GTF2H4: variants seen among roughly 807,000 people sequenced by gnomAD.
The protein encoded by GTF2H4 is BTF2 p52.
A neutral mutation model predicts 62.2 loss-of-function variants in GTF2H4; 49 were observed. The observed-to-expected ratio is 0.79, with a 90% CI of 0.63 to 1.00. The LOEUF is 1.00. Among genes scored for constraint, GTF2H4 ranks in the 50% least tolerant of loss-of-function variants. The pLI, the probability that GTF2H4 is intolerant of heterozygous loss-of-function variation, is 0.00. For synonymous variants in GTF2H4, 189 were observed against 233.8 expected, an observed-to-expected ratio of 0.81 and a Z score of 1.75; for missense variants, 479 against 587.8, an observed-to-expected ratio of 0.81 and a Z score of 1.91.
At chr6:30,908,486 G>C in intron 1 of GTF2H4, 83 bp downstream of exon 1, 1 of 174,562 alleles carries the variant, frequency 5.7e-6, no homozygotes, top group Non-Finnish European at 1.3e-5. Context: ...GAGGAAGGCA[G>C]GGAGAAGCTA....
Position 30,913,987 on chromosome 6 carries a change from C to A in GTF2H4, c.*4C>A. Reference sequence around the variant, plus strand: ...GCGGCAGAAACATAGCTCCTGAGAGCGCGGGACTTGGACACGGACCTCGGC... The same window carrying A: ...GCGGCAGAAACATAGCTCCTGAGAGAGCGGGACTTGGACACGGACCTCGGC... On this transcript the variant is annotated 3_prime_UTR_variant, in exon 14 of 14. Coordinates refer to ENST00000259895, the MANE Select transcript of GTF2H4 (RefSeq NM_001517.5). This position sits in a 1 kb window ranked among gnomAD's most constrained non-coding sequence, Gnocchi z 4.2. 1 of 1,560,254 alleles carries A rather than the reference C, an allele frequency of 6.4e-7. No homozygotes were observed. Among genetic ancestry groups the A allele is most frequent in the Non-Finnish European group, 8.7e-7 (1 of 1,147,648 alleles).
chr6:30,912,025 G>C lies in GTF2H4; in HGVS notation c.837G>C (p.Arg279=). The C allele has an allele frequency of 3.1e-6, 5 of 1,612,874 alleles. No homozygotes were observed. The highest frequency in any genetic ancestry group is 4.2e-6 in the Non-Finnish European group (5 of 1,179,978). The change falls in exon 10 of 14, where the codon CGG becomes CGC. Residue 279 remains arginine, a synonymous_variant. Transcript: ENST00000259895. The surrounding 1 kb of genome is among the most constrained non-coding windows in gnomAD (Gnocchi z 4.8). The part of the protein sequence containing the change: ...GLVFQRKRKS[R]RYYPTRLAIN... ...TCTATTCTTTTCAGAGGAAATCTCG[G>C]CGTTACTACCCCACACGCCTGGCCA...
In GTF2H4 at chr6:30,913,407, C is replaced by T; in HGVS notation, c.1216+20C>T. ...CTGAGGGTGAGTAGCTTCTGGTGGC[C>T]AAGTCTTGGTCATTGGCCAGAGAAA... On this transcript the variant is annotated intron_variant, in intron 13 of 13. Coordinates refer to ENST00000259895, the MANE Select transcript of GTF2H4 (RefSeq NM_001517.5). This position sits in a 1 kb window ranked among gnomAD's most constrained non-coding sequence, Gnocchi z 4.2. The T allele has an allele frequency of 6.2e-7, 1 of 1,611,132 alleles. No homozygotes were observed. Among genetic ancestry groups the T allele is most frequent in the South Asian group, 1.1e-5 (1 of 90,800 alleles).
chr6:30,910,576 C>G lies in GTF2H4; in HGVS notation c.375-89C>G. ...GAACTCCTGACCTCAAGTGATCCGC[C>G]CATCTCGGCCTCCCAAAGTACAGGG... On this transcript the variant is annotated intron_variant, in intron 4 of 13. Transcript: ENST00000259895. This position sits in a 1 kb window ranked among gnomAD's most constrained non-coding sequence, Gnocchi z 4.7. 1 of 904,570 alleles carries G rather than the reference C, an allele frequency of 1.1e-6. No individual in the cohort carries two copies. The highest frequency in any genetic ancestry group is 1.8e-6 in the Non-Finnish European group (1 of 547,056). 56.0% of individuals were successfully genotyped at this position (904,570 alleles called of 1,614,324 possible).
In GTF2H4 at chr6:30,911,896, C is replaced by G. The variant is rs556452193; in HGVS notation, c.826-118C>G. The G allele has an allele frequency of 7.0e-7, 1 of 1,437,590 alleles. No homozygotes were observed. Among genetic ancestry groups the G allele is most frequent in the Admixed American group, 1.8e-5 (1 of 56,520 alleles). 89.1% of individuals were successfully genotyped at this position (1,437,590 alleles called of 1,614,324 possible). The stretch of plus-strand genomic sequence containing the variant: ...GCCAGAACTGAATACTTGGGTCTCT[C>G]GGGGGAGAGAAGTTGGGGGTTGAGG... On this transcript the variant is annotated intron_variant, in intron 9 of 13. Transcript: ENST00000259895. This position sits in a 1 kb window ranked among gnomAD's most constrained non-coding sequence, Gnocchi z 4.3.
intron 1 of GTF2H4, among the ~76,000 whole-genome samples, chr6:30,908,731 CA>C (rs1793640102): frequency 6.6e-6 from 1 of 152,006 alleles, no homozygotes; most frequent in Non-Finnish European, 1.5e-5. Flanking sequence ...CCTGTTTAGC[CA>C]AAGATGAGAC....
Position 30,909,577 on chromosome 6 carries a change from A to T in GTF2H4, c.242+38A>T. ...CAGATACAAATTTCTCAACAGCTAC[A>T]TTTCCCAAACTGCTGTTCCTTGGAG... On this transcript the variant is annotated intron_variant, in intron 3 of 13. Coordinates refer to ENST00000259895, the MANE Select transcript of GTF2H4 (RefSeq NM_001517.5). The surrounding 1 kb of genome is among the most constrained non-coding windows in gnomAD (Gnocchi z 4.3). The T allele has an allele frequency of 7.8e-7, 1 of 1,274,886 alleles. No individual in the cohort carries two copies. Among genetic ancestry groups the T allele is most frequent in the East Asian group, 2.3e-5 (1 of 43,200 alleles). The allele number at this position is 1,274,886 out of a possible 1,614,324, so 79.0% of individuals were successfully genotyped here.
In GTF2H4 at chr6:30,912,484, C is replaced by T; in HGVS notation, c.1089+26C>T. On this transcript the variant is annotated intron_variant, in intron 11 of 13. Transcript: ENST00000259895. The surrounding 1 kb of genome is among the most constrained non-coding windows in gnomAD (Gnocchi z 4.8). ...GTATTCCCACTTGGGAGAGGTGGAG[C>T]AGGAAGACAGGCTGCACTTGGGCTG... 1 of 1,610,720 alleles carries T rather than the reference C, an allele frequency of 6.2e-7. No individual in the cohort carries two copies.
rs1793787172 is a variant in GTF2H4, at chr6:30,912,112, C to T, written c.924C>T (p.Val308=). ...CTGTGCATCAGCCAGGTTTCATTGT[C>T]GTGGAAACCAATTACCGACTGTATG... ...GGTVHQPGFI[V]VETNYRLYAY... is the part of the protein sequence containing the mutation. Residue 308 remains valine (V), a synonymous_variant, in exon 10 of 14, where the codon GTC becomes GTT. Transcript: ENST00000259895. This position sits in a 1 kb window ranked among gnomAD's most constrained non-coding sequence, Gnocchi z 4.8. 1.9e-6 allele frequency: 3 copies of T among 1,612,688 alleles called. No homozygotes were observed. The highest frequency in any genetic ancestry group is 1.3e-5 in the African/African-American group (1 of 74,832).
In GTF2H4 at chr6:30,913,050, T is replaced by G. The variant is rs1793861755; in HGVS notation, c.1090-60T>G. Reference sequence around the variant, plus strand: ...TGTTCCAGTGACATTAGGTGACAGCTCAGATGGCTTTCCTGCCTTCTTGCT... The same window carrying G: ...TGTTCCAGTGACATTAGGTGACAGCGCAGATGGCTTTCCTGCCTTCTTGCT... On this transcript the variant is annotated intron_variant, in intron 11 of 13. Coordinates refer to ENST00000259895, the MANE Select transcript of GTF2H4 (RefSeq NM_001517.5). The surrounding 1 kb of genome is among the most constrained non-coding windows in gnomAD (Gnocchi z 4.2). 2.1e-5 allele frequency: 32 copies of G among 1,549,734 alleles called. No homozygotes were observed. The highest frequency in any genetic ancestry group is 2.8e-5 in the Non-Finnish European group (32 of 1,123,202).
At position 30,910,026 on chromosome 6, in the gene GTF2H4, A is replaced by T; in HGVS notation, c.337A>T (p.Ile113Phe). The T allele has an allele frequency of 6.2e-7, 1 of 1,612,250 alleles. No homozygotes were observed. The highest frequency in any genetic ancestry group is 1.3e-5 in the African/African-American group (1 of 74,742). Residue 113 changes from isoleucine to phenylalanine, a missense_variant, in exon 4 of 14, where the codon ATT becomes TTT. Physicochemically the swap from Ile to Phe is conservative, Grantham distance 21 (BLOSUM62 0). Coordinates refer to ENST00000259895, the MANE Select transcript of GTF2H4 (RefSeq NM_001517.5). This position sits in a 1 kb window ranked among gnomAD's most constrained non-coding sequence, Gnocchi z 4.7. The stretch of plus-strand genomic sequence containing the variant: ...GCTCCAGGGCCTCATCCTCAACCCC[A>T]TTTTCCGCCAGAACCTCCGCATTGC... ...GGLQGLILNP[I>F]FRQNLRIALL...
chr6:30,909,278 G>A lies in GTF2H4; in HGVS notation c.137+105G>A. Reference sequence around the variant, plus strand: ...CCTGGAGTCGGGGTGGGGACTGGGGGCAAGGGTTGGAAATTGCTCTAAAGT... The same window carrying A: ...CCTGGAGTCGGGGTGGGGACTGGGGACAAGGGTTGGAAATTGCTCTAAAGT... On this transcript the variant is annotated intron_variant, in intron 2 of 13. Coordinates refer to ENST00000259895, the MANE Select transcript of GTF2H4 (RefSeq NM_001517.5). The surrounding 1 kb of genome is among the most constrained non-coding windows in gnomAD (Gnocchi z 4.3). 7.2e-7 allele frequency: 1 copy of A among 1,396,306 alleles called. No homozygotes were observed. Among genetic ancestry groups the A allele is most frequent in the Non-Finnish European group, 9.7e-7 (1 of 1,031,444 alleles). 86.5% of individuals were successfully genotyped at this position (1,396,306 alleles called of 1,614,324 possible).
chr6:30,910,166 A>C lies in GTF2H4; in HGVS notation c.374+103A>C. 1 of 1,289,352 alleles carries C rather than the reference A, an allele frequency of 7.8e-7. No individual in the cohort carries two copies. The highest frequency in any genetic ancestry group is 1.5e-5 in the African/African-American group (1 of 67,668). 79.9% of individuals were successfully genotyped at this position (1,289,352 alleles called of 1,614,324 possible). ...GGGAGCTCCTGGGGGCCTCCCCAGAACCTTGTGGTCTCCACGTTGGGAACT... is the reference window on the plus strand; with the variant it reads ...GGGAGCTCCTGGGGGCCTCCCCAGACCCTTGTGGTCTCCACGTTGGGAACT... On this transcript the variant is annotated intron_variant, in intron 4 of 13. Transcript: ENST00000259895. The surrounding 1 kb of genome is among the most constrained non-coding windows in gnomAD (Gnocchi z 4.7).
rs1208597110 is a variant in GTF2H4, at chr6:30,911,751, T to A, written c.809T>A (p.Leu270His). 1.2e-6 allele frequency: 2 copies of A among 1,612,760 alleles called. No homozygotes were observed. The highest frequency in any genetic ancestry group is 3.3e-5 in the Admixed American group (2 of 60,010). ...NFLQHLREFG[L>H]VFQRKRKSRR... is the part of the protein sequence containing the mutation. ...CTGCAACATCTGCGTGAGTTTGGGC[T>A]TGTTTTCCAGAGGAAGGTATGAGCG... The change falls in exon 9 of 14, where the codon CTT becomes CAT. Residue 270 changes from leucine to histidine, a missense_variant. Leu to His is a moderately conservative substitution (Grantham distance 99). Coordinates refer to ENST00000259895, the MANE Select transcript of GTF2H4 (RefSeq NM_001517.5). The surrounding 1 kb of genome is among the most constrained non-coding windows in gnomAD (Gnocchi z 4.3).
In GTF2H4 at chr6:30,912,657, A is replaced by C. The variant is rs1793832742; in HGVS notation, c.1089+199A>C. 6.6e-6 allele frequency among the ~76,000 whole-genome samples: 1 copy of C among 152,056 alleles called. No individual in the cohort carries two copies. The highest frequency in any genetic ancestry group is 1.5e-5 in the Non-Finnish European group (1 of 67,994). ...GGAAAAAAACATGGAGGGAGGAGGT[A>C]TAGATCTGGATTTGTGCCTCGGCAC... is the stretch of plus-strand genomic sequence containing the variant. On this transcript the variant is annotated intron_variant, in intron 11 of 13. Transcript: ENST00000259895. This position sits in a 1 kb window ranked among gnomAD's most constrained non-coding sequence, Gnocchi z 4.8.
chr6:30,911,837 G>A lies in GTF2H4; in HGVS notation c.825+70G>A. ...GTGTGTTGCCTTTGCCTTTAAAAAG[G>A]AGTGGGGTCTTGGGGCAGTAGCAGG... On this transcript the variant is annotated intron_variant, in intron 9 of 13. Coordinates refer to ENST00000259895, the MANE Select transcript of GTF2H4 (RefSeq NM_001517.5). This position sits in a 1 kb window ranked among gnomAD's most constrained non-coding sequence, Gnocchi z 4.3. 2 of 1,472,550 alleles carry A rather than the reference G, an allele frequency of 1.4e-6. No homozygotes were observed. Among genetic ancestry groups the A allele is most frequent in the Non-Finnish European group, 1.9e-6 (2 of 1,054,690 alleles). 91.2% of individuals were successfully genotyped at this position (1,472,550 alleles called of 1,614,324 possible).
rs1793876159 is a variant in GTF2H4, at chr6:30,913,189, G to A, written c.1137+32G>A. On this transcript the variant is annotated intron_variant, in intron 12 of 13. Coordinates refer to ENST00000259895, the MANE Select transcript of GTF2H4 (RefSeq NM_001517.5). The surrounding 1 kb of genome is among the most constrained non-coding windows in gnomAD (Gnocchi z 4.2). ...ACAGGCTCCAAGATGTCAGAGGCTGGCAGCTGGTGATGACATGATGGAAAA... is the reference window on the plus strand; with the variant it reads ...ACAGGCTCCAAGATGTCAGAGGCTGACAGCTGGTGATGACATGATGGAAAA... The A allele has an allele frequency of 5.6e-6, 9 of 1,613,938 alleles. No homozygotes were observed. The highest frequency in any genetic ancestry group is 4.5e-5 in the East Asian group (2 of 44,878).
chr6:30,912,373 T>C lies in GTF2H4; in HGVS notation c.1004T>C (p.Leu335Pro), dbSNP rs1793806725. 1 of 1,612,994 alleles carries C rather than the reference T, an allele frequency of 6.2e-7. No homozygotes were observed. The highest frequency in any genetic ancestry group is 1.3e-5 in the African/African-American group (1 of 75,036). ...CTCATTGCCCTCTTCTCTGAGATGC[T>C]CTATCGGTTCCCCAACATGGTGGTG... is the stretch of plus-strand genomic sequence containing the variant. ...IALIALFSEM[L>P]YRFPNMVVAQ... is the part of the protein sequence containing the mutation. The change falls in exon 11 of 14, where the codon CTC becomes CCC. Residue 335 changes from leucine (L) to proline (P), a missense_variant. Leu to Pro is a moderately conservative substitution (Grantham distance 98). Transcript: ENST00000259895. This position sits in a 1 kb window ranked among gnomAD's most constrained non-coding sequence, Gnocchi z 4.8.
chr6:30,910,083 T>G lies in GTF2H4; in HGVS notation c.374+20T>G, dbSNP rs747856865. ...GGGTGGGTATGTCACTTCTCTCTCT[T>G]CCTAAGCTAGGGCAGGGGAACTGCT... On this transcript the variant is annotated intron_variant, in intron 4 of 13. Coordinates refer to ENST00000259895, the MANE Select transcript of GTF2H4 (RefSeq NM_001517.5). The surrounding 1 kb of genome is among the most constrained non-coding windows in gnomAD (Gnocchi z 4.7). 171 of 1,610,048 alleles carry G rather than the reference T, an allele frequency of 1.1e-4. No homozygotes were observed. Among genetic ancestry groups the G allele is most frequent in the Non-Finnish European group, 1.4e-4 (160 of 1,179,050 alleles).
Sources: allele counts gnomAD v4.1 joint callset (sites outside exome capture counted in the v4.1 genomes callset), GRCh38; gene constraint gnomAD v4.1.1; non-coding constraint Gnocchi (gnomAD v3.1); transcripts MANE v1.5; gene names NCBI Gene and HGNC (gene_info 2026-07-23, HGNC 2026-07-21).